PDE4B: variants seen among roughly 807,000 people sequenced by gnomAD.
PDE4B encodes phosphodiesterase 4B.
A neutral mutation model predicts 82.2 loss-of-function variants in PDE4B; 20 were observed. That is an observed-to-expected ratio of 0.24 (90% CI 0.17 to 0.35). The LOEUF is 0.35. Among genes scored for constraint, PDE4B ranks in the 10% least tolerant of loss-of-function variants. The pLI is 1.00. For missense variants in PDE4B, 655 were observed against 907.2 expected (o/e 0.72, Z 3.57); for synonymous variants, 320 against 318.9 (o/e 1.00, Z -0.04).
chr1:66,247,662 C>T lies in PDE4B; in HGVS notation c.476+8C>T, dbSNP rs376213288. On this transcript the variant is annotated splice_region_variant and intron_variant, in intron 4 of 16. Coordinates refer to ENST00000341517, the MANE Select transcript of PDE4B (RefSeq NM_002600.4). ...TTCTCTTCCAAGCGAGCAGTAAGTACAAGCTCTGTCTGGCTTCCAGTTTCA... is the reference window on the plus strand; with the variant it reads ...TTCTCTTCCAAGCGAGCAGTAAGTATAAGCTCTGTCTGGCTTCCAGTTTCA... 7.2e-5 allele frequency: 112 copies of T among 1,553,550 alleles called. No homozygotes were observed. Among genetic ancestry groups the T allele is most frequent in the African/African-American group, 4.0e-4 (29 of 73,118 alleles).
intron 3 of PDE4B, among the ~76,000 whole-genome samples, chr1:66,244,709 G>T (rs531852296): frequency 6.6e-6 from 1 of 152,332 alleles, no homozygotes; most frequent in East Asian, 1.9e-4. Context: ...AAGGCCATTT[G>T]TCTCCCTAAG....
chr1:66,088,227 T>C (rs189177584), intron 3 of PDE4B, among the ~76,000 whole-genome samples: 6 of 152,104 alleles, frequency 3.9e-5, no homozygotes, highest in African/African-American at 1.4e-4. Flanking sequence ...TGGCTGGTGC[T>C]ATGTCAACTC....
chr1:66,156,169 T>A (rs145516574), intron 3 of PDE4B, among the ~76,000 whole-genome samples: 1 of 152,316 alleles, frequency 6.6e-6, no homozygotes, highest in East Asian at 1.9e-4. Flanking sequence ...CATTTGTGGT[T>A]TTATCTGGCT....
At chr1:66,312,592 C>A (rs4655834) in intron 7 of PDE4B, among the ~76,000 whole-genome samples, 1 of 152,016 alleles carries the variant, frequency 6.6e-6, no homozygotes, top group Non-Finnish European at 1.5e-5. Context: ...TGTTACCTCA[C>A]TAGCAAACTT....
chr1:65,810,325 C>T (rs1645804858), intron 1 of PDE4B, among the ~76,000 whole-genome samples: 1 of 152,230 alleles, frequency 6.6e-6, no homozygotes, highest in South Asian at 2.1e-4. Flanking sequence ...ATGTGCCAAG[C>T]ATCTTAGGAA....
Position 65,948,980 on chromosome 1 carries a change from A to G in PDE4B, c.281+30145A>G, listed in dbSNP as rs201350725. On this transcript the variant is annotated intron_variant, in intron 3 of 16. Transcript: ENST00000341517. ...AAATACCCTTATTGGCTGCCTATCT[A>G]TCTTGCCCCTAGGGACAAAATGTTC... is the stretch of plus-strand genomic sequence containing the variant. Among the ~76,000 whole-genome samples the G allele has an allele frequency of 9.9e-5, 15 of 152,168 alleles. No individual in the cohort carries two copies. In the East Asian group the frequency reaches 2.7e-3, roughly 28 times the overall value.
chr1:65,886,984 C>T (rs1321898718), intron 1 of PDE4B, among the ~76,000 whole-genome samples: 1 of 152,128 alleles, frequency 6.6e-6, no homozygotes, highest in Non-Finnish European at 1.5e-5. Flanking sequence ...TACATTCCCA[C>T]CAACAGTGTG....
chr1:65,876,423 A>G (rs1646644590), intron 1 of PDE4B, among the ~76,000 whole-genome samples: 1 of 152,116 alleles, frequency 6.6e-6, no homozygotes, highest in Non-Finnish European at 1.5e-5. Context: ...ACAAATATAT[A>G]TATACATATT....
intron 3 of PDE4B, among the ~76,000 whole-genome samples, chr1:66,035,009 A>G (rs533967539): frequency 6.6e-6 from 1 of 152,304 alleles, no homozygotes; most frequent in East Asian, 1.9e-4. Flanking sequence ...TCTCTCTGCT[A>G]GAGAGCAGCT....
intron 1 of PDE4B, among the ~76,000 whole-genome samples, chr1:65,883,939 GT>G (rs2100352403): frequency 6.6e-6 from 1 of 152,238 alleles, no homozygotes; most frequent in East Asian, 1.9e-4. Flanking sequence ...CTTTGGTTCT[GT>G]TTATATGCTG....
At chr1:66,030,642 C>G (rs2489921) in intron 3 of PDE4B, among the ~76,000 whole-genome samples, 2 of 152,120 alleles carry the variant, frequency 1.3e-5, no homozygotes, top group African/African-American at 4.8e-5. Flanking sequence ...ATAATTATAT[C>G]AAAAGACATA....
chr1:66,205,034 C>T (rs1041010403), intron 3 of PDE4B, among the ~76,000 whole-genome samples: 10 of 152,214 alleles, frequency 6.6e-5, no homozygotes, highest in African/African-American at 2.4e-4. Context: ...TCAGCCTTTT[C>T]CAACCCATGT....
intron 1 of PDE4B, among the ~76,000 whole-genome samples, chr1:65,876,416 AATATAT>A (rs1200817238): frequency 2.0e-5 from 3 of 152,028 alleles, no homozygotes; most frequent in Admixed American, 1.3e-4. Flanking sequence ...AGTTAAAACA[AATATAT>A]ATATACATAT....
intron 3 of PDE4B, chr1:66,050,591 T>C (rs183452878): frequency 7.1e-4 from 108 of 152,260 alleles, no homozygotes; most frequent in African/African-American, 2.5e-3. Context: ...AATCTTGTAT[T>C]GCAAAGCCAT....
At chr1:66,298,965 T>C (rs748718453) in intron 7 of PDE4B, among the ~76,000 whole-genome samples, 1 of 152,164 alleles carries the variant, frequency 6.6e-6, no homozygotes, top group Non-Finnish European at 1.5e-5. Flanking sequence ...AATAGTTGTA[T>C]ATATTTGTGG....
intron 7 of PDE4B, among the ~76,000 whole-genome samples, chr1:66,294,893 A>T (rs1657391187): frequency 6.6e-6 from 1 of 152,204 alleles, no homozygotes; most frequent in South Asian, 2.1e-4. Flanking sequence ...TTCATGACTC[A>T]TGCCTGGCTC....
chr1:65,792,840 T>A (rs1466481995), upstream of PDE4B, among the ~76,000 whole-genome samples: 2 of 151,890 alleles, frequency 1.3e-5, no homozygotes, highest in Non-Finnish European at 2.9e-5. Flanking sequence ...ACCGGCGAGC[T>A]GTCTCTCTTC....
intron 3 of PDE4B, among the ~76,000 whole-genome samples, chr1:66,181,703 T>C (rs1050487786): frequency 1.3e-5 from 2 of 152,166 alleles, no homozygotes; most frequent in African/African-American, 2.4e-5. Flanking sequence ...TTTGTAGTTA[T>C]TTTACCACCA....
At chr1:66,228,977 G>A (rs947228391) in intron 3 of PDE4B, among the ~76,000 whole-genome samples, 1 of 142,914 alleles carries the variant, frequency 7.0e-6, no homozygotes, top group Non-Finnish European at 1.5e-5. Flanking sequence ...ATTTCATAAG[G>A]TCTGACCTAA....
Sources: gnomAD v4.1 joint callset for allele counts (sites outside exome capture counted in the v4.1 genomes callset) on GRCh38, gnomAD v4.1.1 for gene constraint, MANE v1.5 for transcripts, NCBI Gene and HGNC (gene_info 2026-07-23, HGNC 2026-07-21) for gene names.